MCPH1: variants seen among roughly 807,000 people sequenced by gnomAD.
MCPH1 encodes microcephalin 1.
A neutral mutation model predicts 84.5 loss-of-function variants in MCPH1; 104 were observed. The ratio of observed to expected loss-of-function variants is 1.23; its 90% confidence interval spans 1.05 to 1.45. The LOEUF (loss-of-function observed/expected upper bound fraction) is 1.45. MCPH1 is among the 40% of genes most tolerant of loss of function. MCPH1 has a pLI of 0.00. For missense variants in MCPH1, 1,498 were observed against 1,005.7 expected, an observed-to-expected ratio of 1.49 and a Z score of -6.62; for synonymous variants, 514 against 366.8, an observed-to-expected ratio of 1.40 and a Z score of -4.58.
chr8:6,450,887 C>T (rs1001868141), intron 8 of MCPH1, among the ~76,000 whole-genome samples: 8 of 152,020 alleles, frequency 5.3e-5, no homozygotes, highest in South Asian at 2.1e-4. Context: ...GGACTACAGA[C>T]GCAGGCCACC....
intron 9 of MCPH1, among the ~76,000 whole-genome samples, chr8:6,476,640 C>T (rs1412847710): frequency 1.3e-5 from 2 of 152,148 alleles, no homozygotes; most frequent in African/African-American, 2.4e-5. Flanking sequence ...TATAAACCAG[C>T]AGTCCTTCCC....
intron 11 of MCPH1, among the ~76,000 whole-genome samples, chr8:6,492,905 A>T (rs933056511): frequency 1.3e-5 from 2 of 152,122 alleles, no homozygotes; most frequent in Non-Finnish European, 2.9e-5. Context: ...ACTATTGTCT[A>T]CTTCCTGGTA....
At chr8:6,539,498 A>G (rs1232706168) in intron 12 of MCPH1, among the ~76,000 whole-genome samples, 1 of 152,174 alleles carries the variant, frequency 6.6e-6, no homozygotes, top group Non-Finnish European at 1.5e-5. Context: ...CCCTGACCAC[A>G]TGGACGCCTG....
At chr8:6,505,175 A>AAT (rs3045054) in intron 12 of MCPH1, among the ~76,000 whole-genome samples, 11,440 of 95,092 alleles carry the variant, frequency 0.12, 2,118 homozygotes, top group African/African-American at 0.28. Context: ...TATGCCAAAG[A>AAT]ATATATATAT....
chr8:6,626,116 G>C, intron 13 of MCPH1: 1 of 985,344 alleles, frequency 1.0e-6, no homozygotes, highest in African/African-American at 1.7e-5. Flanking sequence ...GATAAAAATT[G>C]TTAGTGATTA....
chr8:6,488,941 T>A (rs1213605639), intron 11 of MCPH1, among the ~76,000 whole-genome samples: 1 of 151,966 alleles, frequency 6.6e-6, no homozygotes, highest in Non-Finnish European at 1.5e-5. Flanking sequence ...TAGGAAGATC[T>A]AGTGGAATCT....
At chr8:6,538,394 A>G (rs371603596) in intron 12 of MCPH1, among the ~76,000 whole-genome samples, 10 of 152,160 alleles carry the variant, frequency 6.6e-5, no homozygotes, top group African/African-American at 1.9e-4. Context: ...TCCCGCTGTC[A>G]GAGTCAGGAA....
At chr8:6,422,315 A>T (rs1800326685) in intron 3 of MCPH1, among the ~76,000 whole-genome samples, 1 of 143,914 alleles carries the variant, frequency 6.9e-6, no homozygotes. Context: ...GATACTAGAG[A>T]AAATATCATG....
rs1830342803 is a variant in MCPH1, at chr8:6,612,192, C to G, written c.2215-9262C>G. On this transcript the variant is annotated intron_variant, in intron 12 of 13. Transcript: ENST00000344683. ...GGTTTAGGGGCTCACTGCCAGGAACCCGGGGCAGAAACCAAATACATATTT... is the reference window on the plus strand; with the variant it reads ...GGTTTAGGGGCTCACTGCCAGGAACGCGGGGCAGAAACCAAATACATATTT... 2.0e-5 allele frequency among the ~76,000 whole-genome samples: 3 copies of G among 152,310 alleles called. No individual in the cohort carries two copies. The South Asian group carries it at 6.2e-4, about 32-fold the overall frequency.
At chr8:6,608,257 A>G (rs915318430) in intron 12 of MCPH1, among the ~76,000 whole-genome samples, 8 of 152,046 alleles carry the variant, frequency 5.3e-5, no homozygotes, top group African/African-American at 1.9e-4. Flanking sequence ...GGCTGGTGGC[A>G]GGGGGGCTGA....
chr8:6,437,958 G>T (rs1252974918), intron 5 of MCPH1, among the ~76,000 whole-genome samples: 2 of 152,136 alleles, frequency 1.3e-5, no homozygotes, highest in Non-Finnish European at 1.5e-5. Context: ...CTTTAAACCA[G>T]AAGGACATCC....
chr8:6,552,261 A>G (rs1823773750), intron 12 of MCPH1, among the ~76,000 whole-genome samples: 2 of 152,140 alleles, frequency 1.3e-5, no homozygotes, highest in South Asian at 4.1e-4. Context: ...TACGACTCAC[A>G]CTGAACCTGA....
At chr8:6,623,244 G>A (rs1341646096) in intron 13 of MCPH1, among the ~76,000 whole-genome samples, 6 of 151,976 alleles carry the variant, frequency 3.9e-5, no homozygotes, top group Admixed American at 2.0e-4. Flanking sequence ...ATCGACATAC[G>A]AATTTTGGGC....
intron 1 of MCPH1, chr8:6,406,942 TC>T (rs1260463120): frequency 2.4e-5 from 11 of 461,284 alleles, no homozygotes; most frequent in African/African-American, 6.0e-5. Context: ...GTGCTCCCTG[TC>T]CCCCCAAACC....
intron 12 of MCPH1, among the ~76,000 whole-genome samples, chr8:6,578,788 G>C (rs1339835643): frequency 1.3e-5 from 2 of 152,192 alleles, no homozygotes; most frequent in Non-Finnish European, 2.9e-5. Flanking sequence ...AAGGCAGGTG[G>C]CACCTGGTAT....
chr8:6,425,355 C>G (rs1206795510), intron 3 of MCPH1, among the ~76,000 whole-genome samples: 1 of 152,162 alleles, frequency 6.6e-6, no homozygotes, highest in Non-Finnish European at 1.5e-5. Flanking sequence ...TAACTGGAAG[C>G]TTTTTTGTCT....
rs1460651998 is a variant in MCPH1, at chr8:6,646,045, C to G, written c.*2996C>G. ...AATCTTTTATGAAAATGCAAAGAAC[C>G]TCTAGTAGACAAAACAATTTTTTTA... is the stretch of plus-strand genomic sequence containing the variant. On this transcript the variant is annotated 3_prime_UTR_variant, in exon 14 of 14. Transcript: ENST00000344683. 6.6e-6 allele frequency: 1 copy of G among 152,158 alleles called. No homozygotes were observed. The highest frequency in any genetic ancestry group is 1.5e-5 in the Non-Finnish European group (1 of 68,038). 9.4% of individuals were successfully genotyped at this position (152,158 alleles called of 1,614,324 possible). A position where few individuals can be genotyped will look rare whatever the true frequency, so the allele number is the denominator to read the frequency against.
rs147324953 is a variant in MCPH1 at position 6,444,377 on chromosome 8, C to T, written c.671-16C>T. 114 of 1,613,818 alleles carry T rather than the reference C, an allele frequency of 7.1e-5. No individual in the cohort carries two copies. The highest frequency in any genetic ancestry group is 8.8e-5 in the Non-Finnish European group (104 of 1,179,954). ...AAACCACTTTTAAAAGTTAGCTCTC[C>T]GTTAATGTTTTCCAGATGAATACTT... On this transcript the variant is annotated splice_polypyrimidine_tract_variant and intron_variant, in intron 7 of 13. Coordinates refer to ENST00000344683, the MANE Select transcript of MCPH1 (RefSeq NM_024596.5).
At chr8:6,634,571 G>T (rs1388205176) in intron 13 of MCPH1, among the ~76,000 whole-genome samples, 2 of 152,178 alleles carry the variant, frequency 1.3e-5, no homozygotes, top group Non-Finnish European at 2.9e-5. Context: ...TGTCCGTGCT[G>T]TTTTCAAAGA....
Sources: gnomAD v4.1 joint callset for allele counts (sites outside exome capture counted in the v4.1 genomes callset) on GRCh38, gnomAD v4.1.1 for gene constraint, MANE v1.5 for transcripts, NCBI Gene and HGNC (gene_info 2026-07-23, HGNC 2026-07-21) for gene names.